C1S: variants seen among roughly 807,000 people sequenced by gnomAD.
C1S encodes complement C1s subcomponent.
C1S carries 31 observed loss-of-function variants against 54.0 expected under a neutral mutation model. That is an observed-to-expected ratio of 0.57 (90% confidence interval 0.43 to 0.78). C1S has a LOEUF of 0.78. Ranked by LOEUF, C1S falls within the 30% of genes least tolerant of loss-of-function variation. The probability of loss-of-function intolerance (pLI) is 0.00; values close to 1 mark genes in which losing one functional copy is unlikely to be tolerated. For missense variants in C1S, 727 were observed against 851.8 expected (o/e 0.85, Z 1.82); for synonymous variants, 292 against 303.6 (o/e 0.96, Z 0.40).
At chr12:7,067,596 G>T in intron 9 of C1S, 47 bp from the exon 10 acceptor site, 1 of 1,610,248 alleles carries the variant, frequency 6.2e-7, no homozygotes, top group South Asian at 1.1e-5. Flanking sequence ...CTCTTCCTTG[G>T]AGGAAGTGGC....
chr12:7,061,884 AGC>A lies in C1S; in HGVS notation c.-28_-27del. Reference sequence around the variant, plus strand: ...AGAAAGCCAGGACCAAGAGACAGGCAGCTCACCAGGGTGGACAAATCGCCAGA... The same window carrying A: ...AGAAAGCCAGGACCAAGAGACAGGCATCACCAGGGTGGACAAATCGCCAGA... On this transcript the variant is annotated 5_prime_UTR_variant, in exon 2 of 12. Coordinates refer to ENST00000360817, the MANE Select transcript of C1S (RefSeq NM_001734.5). 6.2e-7 allele frequency: 1 copy of A among 1,613,936 alleles called. No individual in the cohort carries two copies. Among genetic ancestry groups the A allele is most frequent in the East Asian group, 2.2e-5 (1 of 44,866 alleles).
chr12:7,062,452 A>G, intron 2 of C1S, 23 bp from the exon 3 acceptor site: 8 of 1,597,768 alleles, frequency 5.0e-6, no homozygotes, highest in Non-Finnish European at 6.9e-6. Flanking sequence ...GTCACCCGCC[A>G]ATCTATGCCT....
At position 7,062,670 on chromosome 12, in the gene C1S, T is replaced by C. The variant is rs376334679; in HGVS notation, c.201T>C (p.Tyr67=). 6.2e-7 allele frequency: 1 copy of C among 1,613,534 alleles called. No individual in the cohort carries two copies. Among genetic ancestry groups the C allele is most frequent in the African/African-American group, 1.3e-5 (1 of 74,922 alleles). The part of the protein sequence containing the change: ...LDIELSENCA[Y]DSVQIISGDT... ...TTGAGCTGTCAGAGAACTGTGCGTA[T>C]GACTCAGTGCAGGTATGTTATAAGC... The change falls in exon 3 of 12, where the codon TAT becomes TAC. Residue 67 remains tyrosine, a synonymous_variant. Coordinates refer to ENST00000360817, the MANE Select transcript of C1S (RefSeq NM_001734.5).
At chr12:7,061,170 AC>A (rs1212980313) in intron 1 of C1S, 5 of 152,452 alleles carry the variant, frequency 3.3e-5, no homozygotes, top group Non-Finnish European at 7.3e-5. Flanking sequence ...CAAACTCCAA[AC>A]AAACTCTGGA....
chr12:7,064,310 C>T lies in C1S; in HGVS notation c.435C>T (p.His145=). The T allele has an allele frequency of 6.2e-7, 1 of 1,613,956 alleles. No homozygotes were observed. ...CTDFVDVPCS[H]FCNNFIGGYF... is the part of the protein sequence containing the mutation. ...ATTTTGTAGATGTCCCTTGTAGCCA[C>T]TTCTGCAACAATTTCATTGGTGGTT... The change falls in exon 5 of 12, where the codon CAC becomes CAT. Residue 145 remains histidine, a synonymous_variant. Transcript: ENST00000360817.
In C1S at chr12:7,064,216, C is replaced by G. The variant is rs782505435; in HGVS notation, c.392-51C>G. ...TTATGGTTTTGGATTTAACCTCATT[C>G]TCCCTTCTTGGTGTTTGTTCTTGAC... On this transcript the variant is annotated intron_variant, in intron 4 of 11. Transcript: ENST00000360817. The G allele has an allele frequency of 6.4e-5, 103 of 1,607,322 alleles. No individual in the cohort carries two copies. In the South Asian group the frequency reaches 1.1e-3, roughly 17 times the overall value.
Sources: allele counts gnomAD v4.1 joint callset, GRCh38; gene constraint gnomAD v4.1.1; transcripts MANE v1.5; gene names NCBI Gene and HGNC (gene_info 2026-07-23, HGNC 2026-07-21).